The following PEX5L variants were observed in gnomAD, a reference collection of about 807,000 sequenced individuals.
The protein encoded by PEX5L is PEX5-related protein.
In PEX5L, 30 loss-of-function variants were observed where a neutral mutation model predicts 84.0. The observed-to-expected ratio is 0.36, with a 90% CI of 0.27 to 0.48. The LOEUF (loss-of-function observed/expected upper bound fraction) is 0.48, where lower values mean the gene tolerates loss of function less well. Among genes scored for constraint, PEX5L ranks in the 20% least tolerant of loss-of-function variants. PEX5L has a pLI of 0.99. For missense variants in PEX5L, 533 were observed against 754.6 expected (o/e 0.71, Z 3.44); for synonymous variants, 270 against 283.1 (o/e 0.95, Z 0.46).
intron 2 of PEX5L, among the ~76,000 whole-genome samples, chr3:179,932,782 G>A (rs866235648): frequency 1.3e-5 from 2 of 152,080 alleles, no homozygotes; most frequent in Non-Finnish European, 2.9e-5. Context: ...ACGATATGAT[G>A]TTTTGAAATA....
chr3:179,807,591 T>G, intron 14 of PEX5L, 83 bp downstream of exon 14: 1 of 1,367,014 alleles, frequency 7.3e-7, no homozygotes, highest in South Asian at 1.3e-5. Flanking sequence ...AAGGCAGGCA[T>G]TTTTACTTGG....
chr3:179,801,012 T>C lies in PEX5L; in HGVS notation c.*816A>G, dbSNP rs1387737727. 6.6e-6 allele frequency: 1 copy of C among 152,610 alleles called. No individual in the cohort carries two copies. Among genetic ancestry groups the C allele is most frequent in the Non-Finnish European group, 1.5e-5 (1 of 68,022 alleles). The allele number at this position is 152,610 out of a possible 1,614,324, so 9.5% of individuals were successfully genotyped here. A position where few individuals can be genotyped will look rare whatever the true frequency, so the allele number is the denominator to read the frequency against. On this transcript the variant is annotated 3_prime_UTR_variant, in exon 15 of 15. Coordinates refer to ENST00000467460, the MANE Select transcript of PEX5L (RefSeq NM_016559.3). ...ATCTGTTTGCCATATTTACGCCTTA[T>C]GTCATCGTATCTGCTTTAAGAAAAA...
intron 8 of PEX5L, among the ~76,000 whole-genome samples, chr3:179,850,308 G>C (rs112284299): frequency 0.015 from 2,349 of 151,924 alleles, 57 homozygotes; most frequent in African/African-American, 0.048. Flanking sequence ...TGTACTTTTA[G>C]TAGAGACGGG....
chr3:179,856,911 A>G (rs1001289443), intron 8 of PEX5L, among the ~76,000 whole-genome samples: 1 of 152,218 alleles, frequency 6.6e-6, no homozygotes, highest in Non-Finnish European at 1.5e-5. Flanking sequence ...CTTACAGGTG[A>G]TATGAAACTA....
chr3:179,966,032 T>C (rs1783244094), intron 2 of PEX5L, among the ~76,000 whole-genome samples: 1 of 152,212 alleles, frequency 6.6e-6, no homozygotes, highest in Non-Finnish European at 1.5e-5. Flanking sequence ...CCAATGCTGA[T>C]TTCAGATAGA....
chr3:179,882,777 C>T (rs1297090915), intron 4 of PEX5L, among the ~76,000 whole-genome samples: 1 of 152,168 alleles, frequency 6.6e-6, no homozygotes, highest in Non-Finnish European at 1.5e-5. Context: ...GTTTCAGTAT[C>T]TGTGTGCTTA....
At chr3:179,949,895 C>T (rs908845248) in intron 2 of PEX5L, among the ~76,000 whole-genome samples, 23 of 152,178 alleles carry the variant, frequency 1.5e-4, no homozygotes, top group African/African-American at 5.6e-4. Context: ...GCAACATTGG[C>T]CCAGTCTGCA....
chr3:179,904,536 G>A (rs1578252668), intron 2 of PEX5L, among the ~76,000 whole-genome samples: 1 of 152,130 alleles, frequency 6.6e-6, no homozygotes, highest in East Asian at 1.9e-4. Flanking sequence ...ATTGGAGCAG[G>A]GTGAGATTAT....
At chr3:179,802,419 C>T (rs1719230383) in intron 14 of PEX5L, among the ~76,000 whole-genome samples, 1 of 151,306 alleles carries the variant, frequency 6.6e-6, no homozygotes, top group South Asian at 2.1e-4. Flanking sequence ...CCTGTAATCC[C>T]AGCTACTAGG....
At chr3:179,812,744 G>A (rs1724386382) in intron 10 of PEX5L, among the ~76,000 whole-genome samples, 1 of 151,838 alleles carries the variant, frequency 6.6e-6, no homozygotes, top group African/African-American at 2.4e-5. Context: ...CACACAAGCA[G>A]AAACCTCTCA....
At chr3:179,988,528 A>G (rs570822668) in intron 1 of PEX5L, among the ~76,000 whole-genome samples, 290 of 152,340 alleles carry the variant, frequency 1.9e-3, no homozygotes, top group African/African-American at 6.7e-3. Flanking sequence ...GTCTTCTACC[A>G]GCTGTTATGT....
intron 6 of PEX5L, among the ~76,000 whole-genome samples, 163 bp from the exon 7 acceptor site, chr3:179,874,586 G>A (rs1163822587): frequency 3.3e-5 from 5 of 151,922 alleles, no homozygotes; most frequent in Non-Finnish European, 5.9e-5. Flanking sequence ...TATTATAATG[G>A]TCACTTTCAG....
chr3:179,921,269 T>A (rs1456170349), intron 2 of PEX5L, among the ~76,000 whole-genome samples: 1 of 152,028 alleles, frequency 6.6e-6, no homozygotes, highest in Non-Finnish European at 1.5e-5. Context: ...GCCAAAAGCA[T>A]CACATCAGCC....
At chr3:179,851,629 T>C (rs999346800) in intron 8 of PEX5L, among the ~76,000 whole-genome samples, 1 of 152,232 alleles carries the variant, frequency 6.6e-6, no homozygotes, top group African/African-American at 2.4e-5. Flanking sequence ...GAGGCAATGT[T>C]AGCTTGAAGC....
At chr3:179,894,756 CA>C (rs1758695092) in intron 3 of PEX5L, among the ~76,000 whole-genome samples, 2 of 151,758 alleles carry the variant, frequency 1.3e-5, no homozygotes, top group Non-Finnish European at 2.9e-5. Flanking sequence ...ATAGAAAAAA[CA>C]AAGGCTGGGT....
At chr3:179,976,758 G>A (rs1298358363) in intron 1 of PEX5L, among the ~76,000 whole-genome samples, 1 of 152,104 alleles carries the variant, frequency 6.6e-6, no homozygotes, top group Non-Finnish European at 1.5e-5. Context: ...GAATGGAAAT[G>A]GAAATGGAAA....
intron 1 of PEX5L, among the ~76,000 whole-genome samples, chr3:180,011,890 C>A (rs1409979077): frequency 6.6e-6 from 1 of 152,146 alleles, no homozygotes; most frequent in Admixed American, 6.6e-5. Context: ...AGCAACCAGG[C>A]ACTGAACTTT....
chr3:179,806,930 C>T (rs891357214), intron 14 of PEX5L, among the ~76,000 whole-genome samples: 2 of 151,932 alleles, frequency 1.3e-5, no homozygotes, highest in Non-Finnish European at 1.5e-5. Context: ...TTGTGGGGTT[C>T]AAAACTAACA....
rs1449381685 is a variant in PEX5L, at chr3:179,989,648, TTTTA to T, written c.22-17987_22-17984del. ...ATCATTTGTAATGATATAAAGCAAT[TTTTA>T]TTTCCCATAAACTTGGCCTTATGCA... On this transcript the variant is annotated intron_variant, in intron 1 of 14. Transcript: ENST00000467460. Among the ~76,000 whole-genome samples the T allele has an allele frequency of 1.1e-4, 16 of 152,272 alleles. 2 individuals carry two copies. The highest frequency in any genetic ancestry group is 3.6e-4 in the African/African-American group (15 of 41,568).
Sources: gnomAD v4.1 joint callset for allele counts (sites outside exome capture counted in the v4.1 genomes callset) on GRCh38, gnomAD v4.1.1 for gene constraint, MANE v1.5 for transcripts, NCBI Gene and HGNC (gene_info 2026-07-23, HGNC 2026-07-21) for gene names.